Variants in UST observed in about 807,000 individuals in gnomAD.
UST encodes chondroitin sulfate 2-O-sulfotransferase.
A neutral mutation model predicts 45.6 loss-of-function variants in UST; 21 were observed. The observed-to-expected ratio is 0.46, with a 90% CI of 0.33 to 0.66. The LOEUF (loss-of-function observed/expected upper bound fraction) is 0.66. Among genes scored for constraint, UST ranks in the 30% least tolerant of loss-of-function variants. The pLI is 0.02. For missense variants in UST, 463 were observed against 512.4 expected (o/e 0.90, Z 0.93); for synonymous variants, 215 against 200.6 (o/e 1.07, Z -0.61).
chr6:148,793,431 A>AC (rs1173982360), intron 1 of UST, among the ~76,000 whole-genome samples: 2 of 151,556 alleles, frequency 1.3e-5, no homozygotes, highest in Non-Finnish European at 2.9e-5. Context: ...GTCCCCAGAA[A>AC]CCCCCCTCCT....
At chr6:148,892,880 A>G (rs1236710196) in intron 2 of UST, among the ~76,000 whole-genome samples, 4 of 152,216 alleles carry the variant, frequency 2.6e-5, no homozygotes, top group Admixed American at 6.5e-5. Context: ...AAGATGCCAT[A>G]ATGGATCTTA....
At chr6:149,058,903 C>T (rs553592027) in intron 7 of UST, among the ~76,000 whole-genome samples, 57 of 152,232 alleles carry the variant, frequency 3.7e-4, no homozygotes, top group African/African-American at 1.2e-3. Flanking sequence ...AAAACACACA[C>T]GTAGCACATA....
chr6:149,010,913 A>AAAAAAAAAAAC (rs755674810), intron 5 of UST, among the ~76,000 whole-genome samples: 13,096 of 92,160 alleles, frequency 0.14, 2,825 homozygotes, highest in Non-Finnish European at 0.19. Context: ...AAAAAAAAAA[A>AAAAAAAAAAAC]AAAAAACTGT....
chr6:148,856,216 C>T (rs1778201368), intron 1 of UST, among the ~76,000 whole-genome samples: 1 of 152,116 alleles, frequency 6.6e-6, no homozygotes, highest in African/African-American at 2.4e-5. Context: ...TGGGGTTTCA[C>T]CATCTTGACC....
intron 1 of UST, among the ~76,000 whole-genome samples, chr6:148,858,700 A>C (rs550299635): frequency 1.3e-5 from 2 of 150,720 alleles, no homozygotes; most frequent in East Asian, 2.0e-4. Context: ...CCCTGTGTCC[A>C]TGTGTTCTCA....
chr6:148,871,035 A>G (rs1385538160), intron 1 of UST, among the ~76,000 whole-genome samples: 1 of 147,072 alleles, frequency 6.8e-6, no homozygotes, highest in Non-Finnish European at 1.5e-5. Context: ...GGCCTTTGGG[A>G]GGTGATTAGG....
chr6:148,962,984 A>T (rs552690735), intron 4 of UST, among the ~76,000 whole-genome samples: 11 of 152,336 alleles, frequency 7.2e-5, no homozygotes, highest in South Asian at 6.2e-4. Context: ...TCATTTGGTC[A>T]TCATTTGTTG....
At chr6:148,833,302 AC>A (rs1192377698) in intron 1 of UST, among the ~76,000 whole-genome samples, 2 of 152,194 alleles carry the variant, frequency 1.3e-5, no homozygotes, top group African/African-American at 2.4e-5. Context: ...AGCCTGGGCA[AC>A]ACGGCGAAAT....
chr6:148,975,310 C>A (rs1314672798), intron 5 of UST, among the ~76,000 whole-genome samples: 1 of 152,144 alleles, frequency 6.6e-6, no homozygotes, highest in Non-Finnish European at 1.5e-5. Context: ...AATAGAATAT[C>A]ATCTTGTCTC....
At chr6:148,799,868 T>C (rs1777024659) in intron 1 of UST, among the ~76,000 whole-genome samples, 1 of 152,202 alleles carries the variant, frequency 6.6e-6, no homozygotes, top group African/African-American at 2.4e-5. Context: ...TCTTGGCCTG[T>C]ATGGGGAAGT....
chr6:148,961,861 A>G (rs538660164), intron 4 of UST, among the ~76,000 whole-genome samples: 1 of 152,334 alleles, frequency 6.6e-6, no homozygotes, highest in African/African-American at 2.4e-5. Context: ...TAGAGGAGAA[A>G]CTGATGCTGA....
chr6:148,929,856 T>C (rs1055027876), intron 2 of UST, among the ~76,000 whole-genome samples: 2 of 152,174 alleles, frequency 1.3e-5, no homozygotes, highest in Non-Finnish European at 2.9e-5. Context: ...AGAGAGTTGA[T>C]GAATTTTGTA....
At chr6:148,977,518 A>G (rs988765027) in intron 5 of UST, among the ~76,000 whole-genome samples, 14 of 152,102 alleles carry the variant, frequency 9.2e-5, no homozygotes, top group Non-Finnish European at 1.5e-4. Context: ...TTGGGAGGCC[A>G]GGGCGGGCGG....
chr6:148,920,031 A>G (rs1779670515), intron 2 of UST, among the ~76,000 whole-genome samples: 2 of 152,252 alleles, frequency 1.3e-5, no homozygotes, highest in East Asian at 3.8e-4. Flanking sequence ...TGCACTCTGC[A>G]TCATGGGCAG....
At chr6:148,996,548 GCTTTT>G (rs1244657033) in intron 5 of UST, among the ~76,000 whole-genome samples, 1 of 152,208 alleles carries the variant, frequency 6.6e-6, no homozygotes, top group Non-Finnish European at 1.5e-5. Flanking sequence ...CAGGAAGACT[GCTTTT>G]CCTCCTACAG....
chr6:148,778,925 C>G (rs1312254791), intron 1 of UST, among the ~76,000 whole-genome samples: 1 of 152,140 alleles, frequency 6.6e-6, no homozygotes, highest in African/African-American at 2.4e-5. Context: ...TATCACCCCT[C>G]TCTTCCCTCT....
chr6:148,998,483 C>G (rs1013162419), intron 5 of UST, among the ~76,000 whole-genome samples: 1 of 152,200 alleles, frequency 6.6e-6, no homozygotes, highest in Admixed American at 6.5e-5. Context: ...TCTGGTATTA[C>G]ATGCAGAGCA....
Position 148,941,362 on chromosome 6 carries a change from G to A in UST, c.375G>A (p.Leu125=). 1 of 1,612,874 alleles carries A rather than the reference G, an allele frequency of 6.2e-7. No individual in the cohort carries two copies. The highest frequency in any genetic ancestry group is 8.5e-7 in the Non-Finnish European group (1 of 1,179,772). Residue 125 remains leucine (L), a synonymous_variant, in exon 3 of 8, where the codon TTG becomes TTA. Transcript: ENST00000367463. ...CTGTGGTCTTGCTTCTGAGAATCTT[G>A]TCGGAGAAGCACGGATTTAATTTGG... ...SRTVVLLLRI[L]SEKHGFNLVT... is the part of the protein sequence containing the mutation.
chr6:148,989,761 C>T (rs912939411), intron 5 of UST, among the ~76,000 whole-genome samples: 1 of 152,166 alleles, frequency 6.6e-6, no homozygotes, highest in Non-Finnish European at 1.5e-5. Context: ...GGCTGAAGGG[C>T]TTGTCTCACC....
Sources: allele counts gnomAD v4.1 joint callset (sites outside exome capture counted in the v4.1 genomes callset), GRCh38; gene constraint gnomAD v4.1.1; transcripts MANE v1.5; gene names NCBI Gene and HGNC (gene_info 2026-07-23, HGNC 2026-07-21).